Variants in ERBB4 observed in about 807,000 individuals in gnomAD.
ERBB4 encodes the protein receptor tyrosine-protein kinase erbB-4.
ERBB4 carries 42 observed loss-of-function variants against 158.0 expected under a neutral mutation model. The observed-to-expected ratio is 0.27, with a 90% CI of 0.21 to 0.34. The LOEUF (loss-of-function observed/expected upper bound fraction) is 0.34, where lower values mean the gene tolerates loss of function less well. Ranked by LOEUF, ERBB4 falls within the 10% of genes least tolerant of loss-of-function variation. The probability of loss-of-function intolerance (pLI) is 1.00; values close to 1 mark genes in which losing one functional copy is unlikely to be tolerated. For synonymous variants in ERBB4, 583 were observed against 558.7 expected, an observed-to-expected ratio of 1.04 and a Z score of -0.61; for missense variants, 1,333 against 1,624.1, an observed-to-expected ratio of 0.82 and a Z score of 3.08.
intron 3 of ERBB4, among the ~76,000 whole-genome samples, chr2:211,912,929 C>G (rs2079575236): frequency 6.6e-6 from 1 of 152,184 alleles, no homozygotes; most frequent in African/African-American, 2.4e-5. Context: ...ACAGGCAGGA[C>G]TCTTTCTTTC....
chr2:211,684,529 A>G (rs1489533348), intron 12 of ERBB4, among the ~76,000 whole-genome samples: 1 of 152,170 alleles, frequency 6.6e-6, no homozygotes, highest in Non-Finnish European at 1.5e-5. Flanking sequence ...CATCATTAGT[A>G]ATTAATGTAG....
intron 3 of ERBB4, among the ~76,000 whole-genome samples, chr2:211,853,864 T>G (rs2077781478): frequency 1.3e-5 from 2 of 152,110 alleles, no homozygotes; most frequent in African/African-American, 4.8e-5. Flanking sequence ...ATACATTAGT[T>G]ATAATGACTT....
chr2:212,139,096 A>G (rs1295436312), intron 1 of ERBB4, among the ~76,000 whole-genome samples: 1 of 152,136 alleles, frequency 6.6e-6, no homozygotes, highest in East Asian at 1.9e-4. Context: ...CGTGGGCTTT[A>G]TTATAATAGA....
chr2:212,502,291 G>C lies in ERBB4; in HGVS notation c.82+36158C>G, dbSNP rs1376398234. 2.6e-5 allele frequency among the ~76,000 whole-genome samples: 4 copies of C among 152,170 alleles called. No individual in the cohort carries two copies. The East Asian group carries it at 5.8e-4, about 22-fold the overall frequency. ...ATTAAGAATCATCATAGAAAAAAGTGTATTACTTAACAATAAAAATTAAAA... is the reference window on the plus strand; with the variant it reads ...ATTAAGAATCATCATAGAAAAAAGTCTATTACTTAACAATAAAAATTAAAA... On this transcript the variant is annotated intron_variant, in intron 1 of 27. Coordinates refer to ENST00000342788, the MANE Select transcript of ERBB4 (RefSeq NM_005235.3).
At chr2:211,480,624 T>A (rs2125546732) in intron 20 of ERBB4, among the ~76,000 whole-genome samples, 1 of 152,268 alleles carries the variant, frequency 6.6e-6, no homozygotes, top group Middle Eastern at 3.4e-3. Flanking sequence ...CTCAGGTAGT[T>A]CTTTATAGTG....
At chr2:212,111,632 C>CTT (rs35995325) in intron 2 of ERBB4, among the ~76,000 whole-genome samples, 1 of 149,670 alleles carries the variant, frequency 6.7e-6, no homozygotes, top group African/African-American at 2.5e-5. Context: ...TTTCTCTATT[C>CTT]TTTTTTTTTT....
intron 1 of ERBB4, among the ~76,000 whole-genome samples, chr2:212,157,292 G>A (rs911823350): frequency 3.9e-5 from 6 of 151,994 alleles, no homozygotes; most frequent in African/African-American, 9.7e-5. Context: ...TGTTATCCCT[G>A]GCACCTCTAA....
intron 1 of ERBB4, among the ~76,000 whole-genome samples, chr2:212,497,226 T>TA (rs886739542): frequency 7.9e-5 from 12 of 152,114 alleles, no homozygotes; most frequent in African/African-American, 2.9e-4. Context: ...TAAACAAATT[T>TA]AAAAAAACAA....
intron 1 of ERBB4, among the ~76,000 whole-genome samples, chr2:212,363,613 A>G (rs2089775293): frequency 6.6e-6 from 1 of 151,560 alleles, no homozygotes; most frequent in Non-Finnish European, 1.5e-5. Flanking sequence ...TACATTTGAC[A>G]GCAAATACAC....
chr2:212,003,099 CAGAA>C (rs1161309914), intron 2 of ERBB4, among the ~76,000 whole-genome samples: 2 of 54,404 alleles, frequency 3.7e-5, no homozygotes, highest in African/African-American at 1.0e-4. Flanking sequence ...GAGACAGAGA[CAGAA>C]AGAAAGAAAG....
At chr2:211,724,725 G>A (rs1215634686) in intron 6 of ERBB4, among the ~76,000 whole-genome samples, 2 of 151,838 alleles carry the variant, frequency 1.3e-5, no homozygotes, top group African/African-American at 2.4e-5. Flanking sequence ...GAAATAAAAT[G>A]CAATTGCTCC....
intron 1 of ERBB4, among the ~76,000 whole-genome samples, chr2:212,315,439 T>C (rs143208524): frequency 4.0e-4 from 61 of 151,528 alleles, no homozygotes; most frequent in East Asian, 2.2e-3. Flanking sequence ...ATCACACACA[T>C]AATTATTATT....
chr2:211,457,846 T>G (rs938572209), intron 20 of ERBB4, among the ~76,000 whole-genome samples: 1 of 152,200 alleles, frequency 6.6e-6, no homozygotes, highest in African/African-American at 2.4e-5. Context: ...ACCACAGCCT[T>G]TCATGCAACT....
intron 20 of ERBB4, among the ~76,000 whole-genome samples, chr2:211,483,001 C>T (rs966319768): frequency 6.6e-6 from 1 of 151,662 alleles, no homozygotes; most frequent in Non-Finnish European, 1.5e-5. Flanking sequence ...AAAACAATTA[C>T]TATAATTATA....
intron 3 of ERBB4, among the ~76,000 whole-genome samples, chr2:211,943,300 T>C (rs1320254345): frequency 6.6e-6 from 1 of 152,122 alleles, no homozygotes; most frequent in Non-Finnish European, 1.5e-5. Flanking sequence ...ATTGTATATA[T>C]ACTATTAAAT....
intron 1 of ERBB4, chr2:212,426,465 TG>T: frequency 2.5e-6 from 1 of 397,314 alleles, no homozygotes; most frequent in South Asian, 2.0e-5. Flanking sequence ...ATAGAGAAGC[TG>T]ATATTTTTAT....
chr2:211,733,839 G>A (rs1277659868), intron 5 of ERBB4, among the ~76,000 whole-genome samples: 1 of 151,438 alleles, frequency 6.6e-6, no homozygotes, highest in East Asian at 1.9e-4. Context: ...CCTAGCATTT[G>A]GGAGGCAGAG....
chr2:212,439,144 A>G (rs933667792), intron 1 of ERBB4, among the ~76,000 whole-genome samples: 2 of 148,694 alleles, frequency 1.3e-5, no homozygotes, highest in South Asian at 2.2e-4. Flanking sequence ...TTTGCCTTAG[A>G]TAGTGTGTAC....
intron 2 of ERBB4, among the ~76,000 whole-genome samples, chr2:211,963,637 TTC>T (rs1209995511): frequency 2.6e-5 from 4 of 152,062 alleles, no homozygotes; most frequent in Non-Finnish European, 5.9e-5. Flanking sequence ...TCTTTTCTCT[TTC>T]TCTCTGTTTC....
Sources: gnomAD v4.1 joint callset for allele counts (sites outside exome capture counted in the v4.1 genomes callset) on GRCh38, gnomAD v4.1.1 for gene constraint, MANE v1.5 for transcripts, NCBI Gene and HGNC (gene_info 2026-07-23, HGNC 2026-07-21) for gene names.